The following BCAS4 variants were observed in gnomAD, a reference collection of about 807,000 sequenced individuals.
BCAS4 encodes breast carcinoma-amplified sequence 4.
Under a neutral mutation model 15.7 loss-of-function variants are expected in BCAS4, and 9 were observed. The ratio of observed to expected loss-of-function variants is 0.57; its 90% CI spans 0.34 to 1.00. BCAS4 has a LOEUF of 1.00. BCAS4 is among the 50% of genes least tolerant of loss of function. The pLI, the probability that BCAS4 is intolerant of heterozygous loss-of-function variation, is 0.02. For missense variants in BCAS4, 225 were observed against 239.1 expected, an observed-to-expected ratio of 0.94 and a Z score of 0.39; for synonymous variants, 101 against 99.5, an observed-to-expected ratio of 1.02 and a Z score of -0.09.
At chr20:50,833,327 T>TGAG (rs1271480408) in intron 3 of BCAS4, among the ~76,000 whole-genome samples, 2 of 152,160 alleles carry the variant, frequency 1.3e-5, no homozygotes, top group Non-Finnish European at 2.9e-5. Flanking sequence ...GCCTTTATCC[T>TGAG]GAGGAGGAGG....
chr20:50,833,852 G>A (rs899444559), intron 3 of BCAS4, among the ~76,000 whole-genome samples: 5 of 152,182 alleles, frequency 3.3e-5, no homozygotes, highest in Non-Finnish European at 5.9e-5. Context: ...GAAGCAGGCC[G>A]GGTGGGGTGG....
At position 50,851,832 on chromosome 20, in the gene BCAS4, C is replaced by T. The variant is rs762949082; in HGVS notation, c.399+9932C>T. On this transcript the variant is annotated intron_variant, in intron 4 of 4. Transcript: ENST00000371608. The surrounding 1 kb of genome is among the most constrained non-coding windows in gnomAD (Gnocchi z 4.3). ...TCACACGGTCCCACCCCTGGGAAGC[C>T]GCCTGGGTTCCCCCAGCCAGCCTTC... Among the ~76,000 whole-genome samples the T allele has an allele frequency of 6.6e-6, 1 of 152,246 alleles. No individual in the cohort carries two copies. The highest frequency in any genetic ancestry group is 1.5e-5 in the Non-Finnish European group (1 of 68,046).
At chr20:50,819,756 G>A (rs928792130) in intron 2 of BCAS4, among the ~76,000 whole-genome samples, 4 of 152,028 alleles carry the variant, frequency 2.6e-5, no homozygotes, top group Non-Finnish European at 2.9e-5. Context: ...TTACCACCAC[G>A]CATTGGACTC....
At chr20:50,841,277 C>T (rs967028366) in intron 3 of BCAS4, among the ~76,000 whole-genome samples, 4 of 152,022 alleles carry the variant, frequency 2.6e-5, no homozygotes, top group East Asian at 1.9e-4. Context: ...CTTCTGAGTT[C>T]GAATATACAG....
chr20:50,820,600 C>T (rs952936189), intron 2 of BCAS4, among the ~76,000 whole-genome samples: 8 of 152,108 alleles, frequency 5.3e-5, no homozygotes, highest in African/African-American at 1.9e-4. Flanking sequence ...AATCCCATCC[C>T]GTCATCCACA....
At chr20:50,872,882 G>A (rs1203801724) in intron 4 of BCAS4, among the ~76,000 whole-genome samples, 5 of 152,234 alleles carry the variant, frequency 3.3e-5, no homozygotes, top group African/African-American at 1.2e-4. Flanking sequence ...TGGTCTTCCA[G>A]GCCAGTGGCC....
intron 2 of BCAS4, 76 bp downstream of exon 2, chr20:50,818,358 C>A: frequency 7.0e-7 from 1 of 1,435,236 alleles, no homozygotes; most frequent in Non-Finnish European, 9.5e-7. Flanking sequence ...TCTGCGGAAG[C>A]CATTTTGGTG....
At chr20:50,803,801 CAAA>C (rs77271343) in intron 1 of BCAS4, among the ~76,000 whole-genome samples, 8 of 90,980 alleles carry the variant, frequency 8.8e-5, no homozygotes, top group African/African-American at 7.7e-5. Flanking sequence ...ACTAGACTCC[CAAA>C]AAAAAAAAAA....
At chr20:50,854,767 C>T (rs191311417) in intron 4 of BCAS4, among the ~76,000 whole-genome samples, 1 of 152,228 alleles carries the variant, frequency 6.6e-6, no homozygotes, top group Non-Finnish European at 1.5e-5. Context: ...AAACCCCCCC[C>T]ACCATGCGGC....
chr20:50,842,636 T>C (rs2088499115), intron 4 of BCAS4, among the ~76,000 whole-genome samples: 1 of 152,226 alleles, frequency 6.6e-6, no homozygotes, highest in Admixed American at 6.5e-5. Flanking sequence ...CAGGCTGGTC[T>C]CGAAGTCCTG....
intron 4 of BCAS4, among the ~76,000 whole-genome samples, chr20:50,853,983 G>A (rs189785061): frequency 2.0e-5 from 3 of 152,190 alleles, no homozygotes; most frequent in East Asian, 1.9e-4. Context: ...AGCTGTCCCC[G>A]GGGGCAAAAT....
At chr20:50,796,507 TTTTTTTGA>T (rs2087866440) in intron 1 of BCAS4, among the ~76,000 whole-genome samples, 1 of 61,624 alleles carries the variant, frequency 1.6e-5, no homozygotes, top group Non-Finnish European at 3.1e-5. Flanking sequence ...TTTTTTTTTT[TTTTTTTGA>T]GATGGAGTCT....
chr20:50,839,595 C>T (rs182832618), intron 3 of BCAS4, among the ~76,000 whole-genome samples: 178 of 152,268 alleles, frequency 1.2e-3, no homozygotes, highest in Non-Finnish European at 2.0e-3. Flanking sequence ...CTCTGCCTCC[C>T]GGGTTCAAGT....
At chr20:50,860,988 C>T (rs531308332) in intron 4 of BCAS4, among the ~76,000 whole-genome samples, 58 of 150,172 alleles carry the variant, frequency 3.9e-4, no homozygotes, top group African/African-American at 1.1e-3. Context: ...GAGCAAGACC[C>T]GGTCTCTGGA....
intron 1 of BCAS4, among the ~76,000 whole-genome samples, chr20:50,816,791 A>ATTTTTTTTTTTTTTTTTT (rs35600563): frequency 8.7e-5 from 7 of 80,898 alleles, no homozygotes; most frequent in African/African-American, 4.3e-4. Context: ...TGCCTGGCTA[A>ATTTTTTTTTTTTTTTTTT]TTTTTTTTTT....
intron 4 of BCAS4, among the ~76,000 whole-genome samples, chr20:50,868,680 C>T (rs564374721): frequency 6.6e-6 from 1 of 152,326 alleles, no homozygotes; most frequent in Admixed American, 6.5e-5. Flanking sequence ...ACCTTGGCCT[C>T]CCAAAGGCTA....
intron 1 of BCAS4, among the ~76,000 whole-genome samples, chr20:50,805,527 AG>A (rs1478819294): frequency 2.0e-5 from 3 of 152,218 alleles, no homozygotes; most frequent in Non-Finnish European, 4.4e-5. Flanking sequence ...GGGGCCCAGT[AG>A]CAGCCAGCCC....
intron 4 of BCAS4, among the ~76,000 whole-genome samples, chr20:50,863,122 G>A (rs1317617137): frequency 6.6e-6 from 1 of 151,866 alleles, no homozygotes. Context: ...GAGCCACCAT[G>A]CCTGGCGAGG....
At chr20:50,810,447 A>G (rs1055292785) in intron 1 of BCAS4, among the ~76,000 whole-genome samples, 2 of 152,098 alleles carry the variant, frequency 1.3e-5, no homozygotes, top group African/African-American at 4.8e-5. Context: ...ACAAGTACCT[A>G]TTAGTTGCCA....
Sources: allele counts gnomAD v4.1 joint callset (sites outside exome capture counted in the v4.1 genomes callset), GRCh38; gene constraint gnomAD v4.1.1; non-coding constraint Gnocchi (gnomAD v3.1); transcripts MANE v1.5; gene names NCBI Gene and HGNC (gene_info 2026-07-23, HGNC 2026-07-21).